The following SETD2 variants were observed in gnomAD, a reference collection of about 807,000 sequenced individuals.
SETD2 encodes the protein SET domain containing 2, histone lysine methyltransferase.
In SETD2, 31 loss-of-function variants were observed where a neutral mutation model predicts 242.1. That is an observed-to-expected ratio of 0.13 (90% CI 0.10 to 0.17). The LOEUF (loss-of-function observed/expected upper bound fraction) is 0.17, where lower values mean the gene tolerates loss of function less well. Ranked by LOEUF, SETD2 falls within the 10% of genes least tolerant of loss-of-function variation. The probability of loss-of-function intolerance (pLI) is 1.00; values close to 1 mark genes in which losing one functional copy is unlikely to be tolerated. For missense variants in SETD2, 2,481 were observed against 3,046.3 expected (o/e 0.81, Z 4.37); for synonymous variants, 1,006 against 1,066.5 (o/e 0.94, Z 1.11).
intron 6 of SETD2, chr3:47,105,581 T>C (rs531737052): frequency 3.5e-4 from 110 of 317,016 alleles, no homozygotes; most frequent in African/African-American, 2.3e-3. Context: ...TGAAAACAAA[T>C]AGACGCTATT....
intron 12 of SETD2, among the ~76,000 whole-genome samples, chr3:47,078,702 G>A (rs1426307488): frequency 6.6e-6 from 1 of 151,666 alleles, no homozygotes; most frequent in African/African-American, 2.4e-5. Context: ...ATATCCAGGG[G>A]CATCATATCT....
chr3:47,107,388 AAAC>A (rs2042468418), intron 5 of SETD2, among the ~76,000 whole-genome samples: 1 of 152,200 alleles, frequency 6.6e-6, no homozygotes, highest in African/African-American at 2.4e-5. Flanking sequence ...AAGCAATTAA[AAAC>A]AAATGAGAAA....
In SETD2 at chr3:47,164,012, C is replaced by T. The variant is rs1697592445; in HGVS notation, c.-88G>A. 1.7e-6 allele frequency: 2 copies of T among 1,192,266 alleles called. No homozygotes were observed. The highest frequency in any genetic ancestry group is 2.1e-6 in the Non-Finnish European group (2 of 953,664). 73.9% of individuals were successfully genotyped at this position (1,192,266 alleles called of 1,614,324 possible). ...GAGGGGAGGAGGCCGCAGGTCCGAC[C>T]GCGGCGGCGGCGGCGGCGGCGGCGG... On this transcript the variant is annotated 5_prime_UTR_variant, in exon 1 of 21. Coordinates refer to ENST00000409792, the MANE Select transcript of SETD2 (RefSeq NM_014159.7). This position sits in a 1 kb window ranked among gnomAD's most constrained non-coding sequence, Gnocchi z 5.4.
Position 47,023,415 on chromosome 3 carries a change from A to T in SETD2, c.7351-3575T>A, listed in dbSNP as rs184551677. Among the ~76,000 whole-genome samples, 452 of 152,266 alleles carry T rather than the reference A, an allele frequency of 3.0e-3. 2 individuals carry two copies. Among genetic ancestry groups the T allele is most frequent in the Non-Finnish European group, 5.2e-3 (355 of 68,024 alleles). On this transcript the variant is annotated intron_variant, in intron 18 of 20. Coordinates refer to ENST00000409792, the MANE Select transcript of SETD2 (RefSeq NM_014159.7). ...ACTCTGTCTCAAAAAAGAAAAAAAA[A>T]ATACTGTTTAGAACATAAAATGTAA...
chr3:47,037,575 A>G (rs2039070105), intron 18 of SETD2, 91 bp downstream of exon 18: 2 of 925,900 alleles, frequency 2.2e-6, no homozygotes, highest in South Asian at 2.7e-5. Context: ...CTTATTTTTC[A>G]GAATAAAGAA....
In SETD2 at chr3:47,083,903, T is replaced by G; in HGVS notation, c.5877A>C (p.Glu1959Asp). The change falls in exon 12 of 21, where the codon GAA becomes GAC. Residue 1959 changes from glutamate (E) to aspartate (D), a missense_variant. Transcript: ENST00000409792. Reference protein sequence around the residue: ...LPTSEPEADAEIEPKESNGTK... With the variant: ...LPTSEPEADADIEPKESNGTK... Reference sequence around the variant, plus strand: ...TGCCGTTGCTCTCTTTGGGCTCTATTTCAGCGTCAGCTTCTGGTTCAGATG... The same window carrying G: ...TGCCGTTGCTCTCTTTGGGCTCTATGTCAGCGTCAGCTTCTGGTTCAGATG... 1.2e-6 allele frequency: 2 copies of G among 1,614,172 alleles called. No individual in the cohort carries two copies. Among genetic ancestry groups the G allele is most frequent in the Non-Finnish European group, 1.7e-6 (2 of 1,180,022 alleles).
chr3:47,075,564 CAAAA>C (rs55635941), intron 12 of SETD2, among the ~76,000 whole-genome samples: 44,202 of 76,350 alleles, frequency 0.58, 9,547 homozygotes, highest in East Asian at 0.64. Context: ...AACTCCGTCT[CAAAA>C]AAAAAAAAAA....
intron 9 of SETD2, among the ~76,000 whole-genome samples, chr3:47,088,617 G>T (rs2041667312): frequency 6.6e-6 from 1 of 152,018 alleles, no homozygotes; most frequent in Admixed American, 6.6e-5. Flanking sequence ...GATCCTTTAT[G>T]GTTCATAAAT....
At position 47,100,792 on chromosome 3, in the gene SETD2, C is replaced by T. The variant is rs181613448; in HGVS notation, c.5015+666G>A. Among the ~76,000 whole-genome samples the T allele has an allele frequency of 3.1e-3, 473 of 151,368 alleles. 25 individuals are homozygous for T. In the East Asian group the frequency reaches 0.083, roughly 26 times the overall value. On this transcript the variant is annotated intron_variant, in intron 8 of 20. Coordinates refer to ENST00000409792, the MANE Select transcript of SETD2 (RefSeq NM_014159.7). ...TTGGGAGGCAGAGGCGGGCGGATCA[C>T]AAGGTCAGGAGATCAAGACCATCCT...
chr3:47,060,302 TG>T (rs2040278109), intron 14 of SETD2, among the ~76,000 whole-genome samples: 1 of 152,140 alleles, frequency 6.6e-6, no homozygotes, highest in Non-Finnish European at 1.5e-5. Context: ...TACTCAAAAT[TG>T]TATCAATGTC....
chr3:47,064,817 A>AATTATAAACATTATAT (rs2040490671), intron 13 of SETD2, among the ~76,000 whole-genome samples: 1 of 148,160 alleles, frequency 6.7e-6, no homozygotes, highest in South Asian at 2.1e-4. Flanking sequence ...AATATAAAAT[A>AATTATAAACATTATAT]ATTATAAGCA....
intron 14 of SETD2, among the ~76,000 whole-genome samples, chr3:47,061,247 A>G (rs1253175028): frequency 6.6e-6 from 1 of 152,166 alleles, no homozygotes; most frequent in African/African-American, 2.4e-5. Context: ...AGAACAGGAA[A>G]CAGAAATGGC....
rs967881460 is a variant in SETD2 at position 47,083,890 on chromosome 3, C to G, written c.5890G>C (p.Glu1964Gln). The G allele has an allele frequency of 6.2e-7, 1 of 1,614,152 alleles. No individual in the cohort carries two copies. Among genetic ancestry groups the G allele is most frequent in the Non-Finnish European group, 8.5e-7 (1 of 1,180,016 alleles). The change falls in exon 12 of 21, where the codon GAG (glutamate) becomes CAG (glutamine). Residue 1964 changes from glutamate (E) to glutamine (Q), a missense_variant. Transcript: ENST00000409792. ...PEADAEIEPK[E>Q]SNGTKLEEPI... is the part of the protein sequence containing the mutation. ...TCTTCTAGTTTTGTGCCGTTGCTCT[C>G]TTTGGGCTCTATTTCAGCGTCAGCT...
intron 14 of SETD2, among the ~76,000 whole-genome samples, chr3:47,059,973 C>T (rs1232274515): frequency 1.3e-5 from 2 of 151,984 alleles, no homozygotes; most frequent in Admixed American, 1.3e-4. Flanking sequence ...TTAATAAAGA[C>T]GGGGTTTCAC....
rs1311481935 is a variant in SETD2 at position 47,124,505 on chromosome 3, G to A, written c.131C>T (p.Pro44Leu). Reference protein sequence around the residue: ...NVQKTGFIKGPMFKGVASSRF... With the variant: ...NVQKTGFIKGLMFKGVASSRF... Reference sequence around the variant, plus strand: ...ACTAGAAGCAACACCTTTGAACATTGGTCCTTTGATGAAACCTGTTTTCTG... The same window carrying A: ...ACTAGAAGCAACACCTTTGAACATTAGTCCTTTGATGAAACCTGTTTTCTG... Residue 44 changes from proline (P) to leucine (L), a missense_variant, in exon 3 of 21, where the codon CCA becomes CTA. By Grantham distance (98) the Pro-to-Leu change is moderately conservative. Transcript: ENST00000409792. The A allele has an allele frequency of 1.9e-6, 3 of 1,549,278 alleles. No individual in the cohort carries two copies. Among genetic ancestry groups the A allele is most frequent in the African/African-American group, 1.4e-5 (1 of 72,932 alleles).
chr3:47,129,290 TA>T (rs2043423028), intron 1 of SETD2, among the ~76,000 whole-genome samples: 1 of 152,204 alleles, frequency 6.6e-6, no homozygotes, highest in African/African-American at 2.4e-5. Flanking sequence ...TTCTCATCAT[TA>T]AAAGCATTTA....
At chr3:47,027,941 C>A (rs2107511022) in intron 18 of SETD2, among the ~76,000 whole-genome samples, 1 of 151,888 alleles carries the variant, frequency 6.6e-6, no homozygotes, top group South Asian at 2.1e-4. Context: ...ACAGGCGCCC[C>A]CCCGCACACC....
chr3:47,047,515 G>T (rs971792954), intron 15 of SETD2, among the ~76,000 whole-genome samples: 2 of 152,138 alleles, frequency 1.3e-5, no homozygotes, highest in Non-Finnish European at 2.9e-5. Flanking sequence ...ATTCTAGCAG[G>T]TAAAATGATT....
At chr3:47,090,137 A>C (rs558256286) in intron 9 of SETD2, among the ~76,000 whole-genome samples, 1 of 151,858 alleles carries the variant, frequency 6.6e-6, no homozygotes, top group Non-Finnish European at 1.5e-5. Context: ...AGTACCAGCT[A>C]TCGGGAGGCT....
Sources: gnomAD v4.1 joint callset for allele counts (sites outside exome capture counted in the v4.1 genomes callset) on GRCh38, gnomAD v4.1.1 for gene constraint, Gnocchi (gnomAD v3.1) non-coding constraint, MANE v1.5 for transcripts, NCBI Gene and HGNC (gene_info 2026-07-23, HGNC 2026-07-21) for gene names.